PRIM2: variants seen among roughly 807,000 people sequenced by gnomAD.
PRIM2 encodes the protein DNA primase large subunit.
Under a neutral mutation model 67.3 loss-of-function variants are expected in PRIM2, and 39 were observed. The observed-to-expected ratio is 0.58, with a 90% CI of 0.45 to 0.76. The LOEUF (loss-of-function observed/expected upper bound fraction) is 0.76, where lower values mean the gene tolerates loss of function less well. Among genes scored for constraint, PRIM2 ranks in the 30% least tolerant of loss-of-function variants. The pLI is 0.00. For synonymous variants in PRIM2, 143 were observed against 198.7 expected, an observed-to-expected ratio of 0.72 and a Z score of 2.36; for missense variants, 398 against 598.7, an observed-to-expected ratio of 0.66 and a Z score of 3.50.
chr6:57,525,210 T>A lies in PRIM2; in HGVS notation c.762-7201T>A, dbSNP rs1774722240. Among the ~76,000 whole-genome samples the A allele has an allele frequency of 1.8e-4, 27 of 152,286 alleles. 1 individual carries two copies. In the South Asian group the frequency reaches 5.6e-3, roughly 32 times the overall value. ...ACCCTTCAGATCCTAAGAAAAAGAC[T>A]TTATTATTCCAAAATGCTACGCCCT... On this transcript the variant is annotated intron_variant, in intron 8 of 13. Coordinates refer to ENST00000615550, the MANE Select transcript of PRIM2 (RefSeq NM_000947.5).
chr6:57,378,527 G>C (rs1262382698), intron 5 of PRIM2, among the ~76,000 whole-genome samples: 33 of 152,070 alleles, frequency 2.2e-4, no homozygotes, highest in African/African-American at 8.0e-4. Flanking sequence ...TCTATACCTT[G>C]TTATAAAATA....
chr6:57,324,871 A>C (rs963840503), intron 4 of PRIM2, among the ~76,000 whole-genome samples: 4 of 152,174 alleles, frequency 2.6e-5, no homozygotes, highest in Admixed American at 2.6e-4. Context: ...ATTGCTTACT[A>C]TCCCAAGATA....
chr6:57,444,085 G>C (rs1772288118), intron 7 of PRIM2, among the ~76,000 whole-genome samples: 2 of 152,052 alleles, frequency 1.3e-5, no homozygotes, highest in Admixed American at 6.6e-5. Flanking sequence ...ACTTGTGCAG[G>C]TTTATTTCTG....
At chr6:57,287,280 A>T in the PRIM2 span, among the ~76,000 whole-genome samples, 1 of 152,222 alleles carries the variant, frequency 6.6e-6, no homozygotes, top group East Asian at 1.9e-4. Flanking sequence ...AGGATTGTAA[A>T]TCATTCTACC....
At chr6:57,516,360 A>T (rs1774487882) in intron 8 of PRIM2, among the ~76,000 whole-genome samples, 2 of 152,316 alleles carry the variant, frequency 1.3e-5, no homozygotes, top group Middle Eastern at 3.4e-3. Context: ...GAGTGAAAAC[A>T]GCTTTTTGTA....
chr6:57,606,492 C>T lies in PRIM2; in HGVS notation c.1230+35C>T, dbSNP rs1416615241. On this transcript the variant is annotated intron_variant, in intron 12 of 13. Coordinates refer to ENST00000615550, the MANE Select transcript of PRIM2 (RefSeq NM_000947.5). ...ATTCTTCTCTCTGCATCTGCAGTAA[C>T]GAGGCCTTAGATAGATCTCTCGGTT... is the stretch of plus-strand genomic sequence containing the variant. 9 of 1,522,274 alleles carry T rather than the reference C, an allele frequency of 5.9e-6. 1 individual carries two copies. The highest frequency in any genetic ancestry group is 2.7e-5 in the African/African-American group (2 of 73,006). The allele number at this position is 1,522,274 out of a possible 1,614,324, so 94.3% of individuals were successfully genotyped here. A position where few individuals can be genotyped will look rare whatever the true frequency, so the allele number is the denominator to read the frequency against.
chr6:57,486,831 A>T (rs1773763221), intron 7 of PRIM2, among the ~76,000 whole-genome samples: 1 of 152,244 alleles, frequency 6.6e-6, no homozygotes, highest in Non-Finnish European at 1.5e-5. Context: ...ATGAAAATTG[A>T]GTAGACACTC....
chr6:57,641,336 C>T (rs1216567750), intron 13 of PRIM2, among the ~76,000 whole-genome samples: 1 of 152,050 alleles, frequency 6.6e-6, no homozygotes, highest in Non-Finnish European at 1.5e-5. Context: ...TGGGCAAAGA[C>T]TTCATGACTA....
At chr6:57,258,913 C>A in the PRIM2 span, among the ~76,000 whole-genome samples, 1 of 152,140 alleles carries the variant, frequency 6.6e-6, no homozygotes, top group African/African-American at 2.4e-5. Context: ...ACTGACCTAT[C>A]CTTTGCTATT....
At chr6:57,459,942 ACT>A (rs1400993160) in intron 7 of PRIM2, among the ~76,000 whole-genome samples, 4 of 152,166 alleles carry the variant, frequency 2.6e-5, no homozygotes, top group African/African-American at 9.7e-5. Flanking sequence ...GTGAAAAGGT[ACT>A]GCCTGCAGCA....
At chr6:57,232,321 A>G in the PRIM2 span, among the ~76,000 whole-genome samples, 1 of 152,178 alleles carries the variant, frequency 6.6e-6, no homozygotes, top group Non-Finnish European at 1.5e-5. Flanking sequence ...GGGAGGCCGA[A>G]GCAGGCGGAT....
At chr6:57,621,477 T>A (rs1468811193) in intron 12 of PRIM2, among the ~76,000 whole-genome samples, 1 of 152,144 alleles carries the variant, frequency 6.6e-6, no homozygotes, top group East Asian at 1.9e-4. Flanking sequence ...TTTTTTTTGA[T>A]GTATTTTTTT....
the PRIM2 span, among the ~76,000 whole-genome samples, chr6:57,243,884 A>C: frequency 6.6e-6 from 1 of 152,204 alleles, no homozygotes; most frequent in African/African-American, 2.4e-5. Context: ...TATGTAATTC[A>C]AAGGGCCTAA....
At chr6:57,640,812 T>A (rs1313954308) in intron 13 of PRIM2, among the ~76,000 whole-genome samples, 1 of 152,044 alleles carries the variant, frequency 6.6e-6, no homozygotes, top group East Asian at 1.9e-4. Context: ...CGCAAAGTAA[T>A]TTACAGATTC....
intron 5 of PRIM2, among the ~76,000 whole-genome samples, chr6:57,363,822 A>C (rs1769270136): frequency 6.6e-6 from 1 of 152,172 alleles, no homozygotes; most frequent in Non-Finnish European, 1.5e-5. Flanking sequence ...GAAAATTCTC[A>C]GCCATTATTG....
At chr6:57,630,704 TCTTTA>T (rs1395636581) in intron 12 of PRIM2, among the ~76,000 whole-genome samples, 2 of 152,214 alleles carry the variant, frequency 1.3e-5, no homozygotes, top group South Asian at 4.1e-4. Flanking sequence ...ATGTTTGAAG[TCTTTA>T]CTTCTCCAAA....
At chr6:57,229,630 G>A in the PRIM2 span, among the ~76,000 whole-genome samples, 1 of 151,976 alleles carries the variant, frequency 6.6e-6, no homozygotes, top group Admixed American at 6.6e-5. Context: ...TGGGATTACA[G>A]GCACATGCCA....
chr6:57,517,844 T>C (rs1308179811), intron 8 of PRIM2, among the ~76,000 whole-genome samples: 4 of 152,110 alleles, frequency 2.6e-5, no homozygotes, highest in Non-Finnish European at 5.9e-5. Context: ...GTGGTAAGGA[T>C]TCCATGGAAG....
chr6:57,577,947 C>G (rs1404823509), intron 10 of PRIM2, among the ~76,000 whole-genome samples: 4 of 152,128 alleles, frequency 2.6e-5, no homozygotes, highest in African/African-American at 9.7e-5. Flanking sequence ...TCTGCTGTTC[C>G]AAGATCCAGT....
Sources: allele counts gnomAD v4.1 joint callset (sites outside exome capture counted in the v4.1 genomes callset), GRCh38; gene constraint gnomAD v4.1.1; transcripts MANE v1.5; gene names NCBI Gene and HGNC (gene_info 2026-07-23, HGNC 2026-07-21).